ANKS1B: variants seen among roughly 807,000 people sequenced by gnomAD.
ANKS1B encodes the protein ankyrin repeat and sterile alpha motif domain-containing protein 1B.
Under a neutral mutation model 148.3 loss-of-function variants are expected in ANKS1B, and 36 were observed. The observed-to-expected ratio is 0.24, with a 90% CI of 0.19 to 0.32. The LOEUF (loss-of-function observed/expected upper bound fraction) is 0.32, where lower values mean the gene tolerates loss of function less well. ANKS1B is among the 10% of genes least tolerant of loss of function. The pLI is 1.00. For missense variants in ANKS1B, 1,157 were observed against 1,542.6 expected, an observed-to-expected ratio of 0.75 and a Z score of 4.19; for synonymous variants, 542 against 560.8, an observed-to-expected ratio of 0.97 and a Z score of 0.47.
intron 12 of ANKS1B, among the ~76,000 whole-genome samples, chr12:99,372,325 G>A (rs945927985): frequency 1.3e-5 from 2 of 151,902 alleles, no homozygotes; most frequent in Non-Finnish European, 2.9e-5. Flanking sequence ...AATGACCCAA[G>A]TGTGAATAAA....
intron 1 of ANKS1B, among the ~76,000 whole-genome samples, chr12:99,865,480 G>T (rs2090612115): frequency 6.6e-6 from 1 of 152,162 alleles, no homozygotes; most frequent in African/African-American, 2.4e-5. Flanking sequence ...TCCAGAAGTA[G>T]TAGGTACCGA....
intron 17 of ANKS1B, among the ~76,000 whole-genome samples, chr12:98,932,045 G>A (rs751650794): frequency 6.6e-6 from 1 of 152,108 alleles, no homozygotes; most frequent in Non-Finnish European, 1.5e-5. Flanking sequence ...GGTCTTCTCA[G>A]CTTTCAAAGG....
intron 8 of ANKS1B, among the ~76,000 whole-genome samples, chr12:99,766,864 C>T (rs1382560177): frequency 3.3e-5 from 5 of 152,174 alleles, no homozygotes; most frequent in Admixed American, 1.3e-4. Context: ...AAGATAGCCA[C>T]GAAGCTCTCT....
chr12:99,350,530 T>C (rs866100800), intron 12 of ANKS1B, among the ~76,000 whole-genome samples: 8 of 151,924 alleles, frequency 5.3e-5, no homozygotes, highest in South Asian at 2.1e-4. Context: ...GGGTATAAGA[T>C]AAAAGAAGCT....
intron 3 of ANKS1B, among the ~76,000 whole-genome samples, chr12:99,808,166 C>T (rs759447275): frequency 5.9e-5 from 9 of 151,666 alleles, no homozygotes; most frequent in Admixed American, 1.3e-4. Context: ...AAATACCAAC[C>T]GAGAATAGGG....
intron 9 of ANKS1B, among the ~76,000 whole-genome samples, chr12:99,507,290 T>C (rs17471231): frequency 0.16 from 24,028 of 151,826 alleles, 1,942 homozygotes; most frequent in Non-Finnish European, 0.17. Context: ...TTTAGTTAAG[T>C]TGGAATTTTA....
chr12:99,205,815 T>C (rs527957242), intron 14 of ANKS1B, among the ~76,000 whole-genome samples: 114 of 152,324 alleles, frequency 7.5e-4, no homozygotes, highest in African/African-American at 2.6e-3. Context: ...AGTAAGTGGT[T>C]ATTACTGCAG....
intron 9 of ANKS1B, among the ~76,000 whole-genome samples, chr12:99,570,321 G>A (rs1262354014): frequency 6.7e-6 from 1 of 149,432 alleles, no homozygotes; most frequent in African/African-American, 2.5e-5. Context: ...TGTTGTTCTT[G>A]AGCTTTATAA....
intron 12 of ANKS1B, among the ~76,000 whole-genome samples, chr12:99,279,962 C>T (rs866053157): frequency 6.6e-6 from 1 of 151,982 alleles, no homozygotes; most frequent in Non-Finnish European, 1.5e-5. Flanking sequence ...TGTGATCGCA[C>T]AACTGCACTC....
chr12:99,046,295 C>G (rs1366807459), intron 17 of ANKS1B, among the ~76,000 whole-genome samples: 1 of 151,916 alleles, frequency 6.6e-6, no homozygotes, highest in Non-Finnish European at 1.5e-5. Flanking sequence ...CAGCATCCAA[C>G]AAGGTAAAAT....
intron 22 of ANKS1B, among the ~76,000 whole-genome samples, chr12:98,793,074 C>A (rs1474085769): frequency 1.3e-5 from 2 of 152,138 alleles, no homozygotes; most frequent in Non-Finnish European, 2.9e-5. Context: ...AATTTATATT[C>A]CCACCAACAA....
At chr12:99,047,589 GA>G (rs887297498) in intron 17 of ANKS1B, among the ~76,000 whole-genome samples, 4 of 152,034 alleles carry the variant, frequency 2.6e-5, no homozygotes, top group African/African-American at 9.7e-5. Flanking sequence ...CAGCCAGGGG[GA>G]AAAAAACTGA....
At chr12:99,691,794 C>T (rs1165862306) in intron 8 of ANKS1B, among the ~76,000 whole-genome samples, 2 of 152,302 alleles carry the variant, frequency 1.3e-5, no homozygotes, top group East Asian at 3.9e-4. Flanking sequence ...TGTAGCAGTG[C>T]CCCACTCTCA....
At chr12:99,252,784 C>T (rs905830149) in intron 12 of ANKS1B, among the ~76,000 whole-genome samples, 1 of 152,190 alleles carries the variant, frequency 6.6e-6, no homozygotes, top group African/African-American at 2.4e-5. Flanking sequence ...AAGTAGCTTA[C>T]TCCCTTGAGA....
At chr12:99,623,269 G>C (rs2098075986) in intron 9 of ANKS1B, among the ~76,000 whole-genome samples, 1 of 151,758 alleles carries the variant, frequency 6.6e-6, no homozygotes, top group Non-Finnish European at 1.5e-5. Context: ...AAAATAATGA[G>C]TCATCTATAA....
chr12:99,531,349 A>G (rs2153090173), intron 9 of ANKS1B, among the ~76,000 whole-genome samples: 1 of 152,242 alleles, frequency 6.6e-6, no homozygotes, highest in Non-Finnish European at 1.5e-5. Context: ...TGGATAAATT[A>G]TAGGAACCTC....
chr12:99,118,132 C>T (rs755123817), intron 15 of ANKS1B, among the ~76,000 whole-genome samples: 19 of 152,110 alleles, frequency 1.2e-4, no homozygotes, highest in Non-Finnish European at 8.8e-5. Context: ...GAGAAAATCC[C>T]AAACTCTAAG....
At chr12:99,787,554 A>T (rs1217552783) in intron 4 of ANKS1B, among the ~76,000 whole-genome samples, 5 of 152,272 alleles carry the variant, frequency 3.3e-5, no homozygotes, top group Non-Finnish European at 7.3e-5. Context: ...GAGATGAAGG[A>T]CAGAGCAAAA....
At chr12:99,007,926 C>T (rs1382865986) in intron 17 of ANKS1B, among the ~76,000 whole-genome samples, 3 of 151,964 alleles carry the variant, frequency 2.0e-5, no homozygotes, top group Non-Finnish European at 4.4e-5. Flanking sequence ...TCATGAGAGG[C>T]GTGACTCTGG....
Sources: allele counts gnomAD v4.1 joint callset (sites outside exome capture counted in the v4.1 genomes callset), GRCh38; gene constraint gnomAD v4.1.1; transcripts MANE v1.5; gene names NCBI Gene and HGNC (gene_info 2026-07-23, HGNC 2026-07-21).